MRPS31: variants seen among roughly 807,000 people sequenced by gnomAD.
MRPS31 encodes the protein small ribosomal subunit protein mS31.
A neutral mutation model predicts 43.1 loss-of-function variants in MRPS31; 32 were observed. The observed-to-expected ratio is 0.74, with a 90% CI of 0.56 to 1.00. The LOEUF is 1.00. Among genes scored for constraint, MRPS31 ranks in the 50% least tolerant of loss-of-function variants. The probability of loss-of-function intolerance (pLI) is 0.00; values close to 1 mark genes in which losing one functional copy is unlikely to be tolerated. For missense variants in MRPS31, 437 were observed against 466.7 expected, an observed-to-expected ratio of 0.94 and a Z score of 0.59; for synonymous variants, 165 against 161.6, an observed-to-expected ratio of 1.02 and a Z score of -0.16.
chr13:40,771,177 T>C lies in MRPS31; in HGVS notation c.-41A>G. 1.9e-6 allele frequency: 3 copies of C among 1,544,988 alleles called. No individual in the cohort carries two copies. Among genetic ancestry groups the C allele is most frequent in the Admixed American group, 1.9e-5 (1 of 52,628 alleles). On this transcript the variant is annotated 5_prime_UTR_variant, in exon 1 of 7. Transcript: ENST00000323563. ...TGAACCAAGAACACAACTGAAATGG[T>C]GCGTCCCGCTGCCAAACACGTCCCC... is the stretch of plus-strand genomic sequence containing the variant.
intron 5 of MRPS31, among the ~76,000 whole-genome samples, chr13:40,750,297 T>G (rs1880348983): frequency 6.6e-6 from 1 of 152,120 alleles, no homozygotes; most frequent in Admixed American, 6.5e-5. Flanking sequence ...GTGATTTCAG[T>G]TATGTACAGT....
chr13:40,756,813 T>C, intron 4 of MRPS31, 60 bp downstream of exon 4: 2 of 1,569,248 alleles, frequency 1.3e-6, no homozygotes, highest in Non-Finnish European at 1.7e-6. Flanking sequence ...AAGGTAAATC[T>C]ACAGTTAAGG....
intron 6 of MRPS31, among the ~76,000 whole-genome samples, chr13:40,737,931 T>C (rs1039521574): frequency 1.3e-4 from 20 of 151,764 alleles, no homozygotes; most frequent in Non-Finnish European, 4.4e-5. Flanking sequence ...AAGAAATAAC[T>C]AAAATCAGAG....
At chr13:40,760,210 G>GA (rs112644725) in intron 2 of MRPS31, among the ~76,000 whole-genome samples, 9,918 of 148,878 alleles carry the variant, frequency 0.067, 713 homozygotes, top group East Asian at 0.19. Context: ...AATCTGAGGT[G>GA]AAAAAAAAAT....
intron 5 of MRPS31, among the ~76,000 whole-genome samples, chr13:40,753,704 A>T (rs1430909013): frequency 2.6e-5 from 4 of 152,228 alleles, no homozygotes; most frequent in African/African-American, 9.6e-5. Flanking sequence ...ATTAGCTGAA[A>T]GGCTGCTTAG....
In MRPS31 at chr13:40,771,093, GA is replaced by G; in HGVS notation, c.43del (p.Ser15ProfsTer51). 6.2e-7 allele frequency: 1 copy of G among 1,613,946 alleles called. No homozygotes were observed. The highest frequency in any genetic ancestry group is 8.5e-7 in the Non-Finnish European group (1 of 1,179,906). On this transcript the variant is annotated frameshift_variant, in exon 1 of 7. Transcript: ENST00000323563. LOFTEE classifies it high-confidence loss of function. ...VSTFLPLRPL[S>X]RHPLSSGSPE... ...GCTTCCAGAGGACAAAGGGTGGCGG[GA>G]AAGGGGGCGAAGAGGTAGGAACGTC...
chr13:40,765,202 C>G (rs1037870457), intron 2 of MRPS31, among the ~76,000 whole-genome samples: 1 of 152,198 alleles, frequency 6.6e-6, no homozygotes, highest in African/African-American at 2.4e-5. Flanking sequence ...GGTTCTAAGA[C>G]ACATCTTTTA....
chr13:40,769,152 C>T (rs1342795238), intron 1 of MRPS31, among the ~76,000 whole-genome samples: 4 of 151,440 alleles, frequency 2.6e-5, no homozygotes, highest in African/African-American at 7.3e-5. Flanking sequence ...CGGAGGTGGG[C>T]GGATCATGAG....
chr13:40,744,749 G>T (rs1369535628), intron 6 of MRPS31, among the ~76,000 whole-genome samples: 1 of 152,008 alleles, frequency 6.6e-6, no homozygotes, highest in Non-Finnish European at 1.5e-5. Context: ...TGAGTAGCTG[G>T]GATTACAGGC....
chr13:40,744,669 C>A (rs1426035398), intron 6 of MRPS31, among the ~76,000 whole-genome samples: 1 of 152,148 alleles, frequency 6.6e-6, no homozygotes, highest in Non-Finnish European at 1.5e-5. Flanking sequence ...CACTGCAGCA[C>A]TATTCACAAT....
At chr13:40,757,397 T>G (rs1880559588) in intron 3 of MRPS31, among the ~76,000 whole-genome samples, 1 of 150,626 alleles carries the variant, frequency 6.6e-6, no homozygotes, top group Admixed American at 6.6e-5. Context: ...CAAATACAAA[T>G]AAAATGAGTC....
intron 3 of MRPS31, 69 bp downstream of exon 3, chr13:40,758,879 C>G: frequency 1.4e-6 from 2 of 1,380,160 alleles, no homozygotes; most frequent in South Asian, 3.5e-5. Flanking sequence ...GTGTATTACT[C>G]ACTAGCCATA....
At chr13:40,768,320 G>T (rs967649914) in intron 1 of MRPS31, among the ~76,000 whole-genome samples, 1 of 152,224 alleles carries the variant, frequency 6.6e-6, no homozygotes, top group African/African-American at 2.4e-5. Flanking sequence ...TGAAGCTGAC[G>T]TGCTACAGCA....
rs529652769 is a variant in MRPS31, at chr13:40,748,985, T to C, written c.958+153A>G. 5.3e-5 allele frequency among the ~76,000 whole-genome samples: 8 copies of C among 152,356 alleles called. No individual in the cohort carries two copies. In the East Asian group the frequency reaches 1.3e-3, roughly 26 times the overall value. On this transcript the variant is annotated intron_variant, in intron 6 of 6. Transcript: ENST00000323563. The stretch of plus-strand genomic sequence containing the variant: ...AAATAAGTGAAATTCCAACATCTTT[T>C]TTAAAAAACCTTGTCAGATTTATTT...
Position 40,756,990 on chromosome 13 carries a change from A to C in MRPS31, c.623T>G (p.Met208Arg). ...KISFSNIISD[M>R]KVARSATARV... is the part of the protein sequence containing the mutation. ...AGCTGTAGCAGATCTGGCAACTTTC[A>C]TATCTGATATTATGTTACTGAAACT... The change falls in exon 4 of 7, where the codon ATG becomes AGG. Residue 208 changes from methionine (M) to arginine (R), a missense_variant. Coordinates refer to ENST00000323563, the MANE Select transcript of MRPS31 (RefSeq NM_005830.4). 6.2e-7 allele frequency: 1 copy of C among 1,611,826 alleles called. No homozygotes were observed.
intron 2 of MRPS31, among the ~76,000 whole-genome samples, chr13:40,763,444 G>A (rs1357505788): frequency 6.6e-6 from 1 of 152,196 alleles, no homozygotes; most frequent in East Asian, 1.9e-4. Flanking sequence ...CGTGCAGTAA[G>A]AAGAATCACT....
intron 2 of MRPS31, among the ~76,000 whole-genome samples, chr13:40,763,135 G>C (rs1194629700): frequency 6.6e-6 from 1 of 152,202 alleles, no homozygotes; most frequent in Non-Finnish European, 1.5e-5. Flanking sequence ...GGTTACTGCT[G>C]CATCACCAGG....
chr13:40,733,430 A>C (rs1397117888), intron 6 of MRPS31, among the ~76,000 whole-genome samples: 1 of 152,178 alleles, frequency 6.6e-6, no homozygotes, highest in Non-Finnish European at 1.5e-5. Context: ...GGGAGGCCGA[A>C]ATTATCAAAT....
intron 2 of MRPS31, among the ~76,000 whole-genome samples, chr13:40,765,549 T>C (rs1003180302): frequency 6.6e-6 from 1 of 151,756 alleles, no homozygotes; most frequent in African/African-American, 2.4e-5. Flanking sequence ...TACTTATATA[T>C]AACCATTTTG....
Sources: allele counts gnomAD v4.1 joint callset (sites outside exome capture counted in the v4.1 genomes callset), GRCh38; gene constraint gnomAD v4.1.1; transcripts MANE v1.5; gene names NCBI Gene and HGNC (gene_info 2026-07-23, HGNC 2026-07-21).